Variants in SSBP2 observed in about 807,000 individuals in gnomAD.
The protein encoded by SSBP2 is single stranded DNA binding protein 2, also known as single-stranded DNA-binding protein 2.
Under a neutral mutation model 61.8 loss-of-function variants are expected in SSBP2, and 17 were observed. That is an observed-to-expected ratio of 0.28 (90% CI 0.19 to 0.41). SSBP2 has a LOEUF of 0.41. Among genes scored for constraint, SSBP2 ranks in the 10% least tolerant of loss-of-function variants. The pLI is 1.00. For synonymous variants in SSBP2, 139 were observed against 141.3 expected (o/e 0.98, Z 0.12); for missense variants, 310 against 458.7 (o/e 0.68, Z 2.96).
At chr5:81,667,433 T>C (rs761735330) in intron 1 of SSBP2, among the ~76,000 whole-genome samples, 5 of 152,014 alleles carry the variant, frequency 3.3e-5, no homozygotes, top group East Asian at 3.9e-4. Context: ...AAAGACCTCA[T>C]TGAACACCAA....
At chr5:81,745,303 T>C (rs753640968) in intron 1 of SSBP2, among the ~76,000 whole-genome samples, 2 of 152,132 alleles carry the variant, frequency 1.3e-5, no homozygotes, top group South Asian at 4.1e-4. Flanking sequence ...TTTAATCTAA[T>C]AGTCAAGTAA....
chr5:81,698,285 T>G (rs1306674333), intron 1 of SSBP2, among the ~76,000 whole-genome samples: 2 of 152,248 alleles, frequency 1.3e-5, no homozygotes, highest in Non-Finnish European at 2.9e-5. Context: ...ATGTAGATTG[T>G]GATGCTATGT....
At chr5:81,747,819 GA>G (rs1321373189) in intron 1 of SSBP2, among the ~76,000 whole-genome samples, 1 of 152,054 alleles carries the variant, frequency 6.6e-6, no homozygotes, top group East Asian at 1.9e-4. Flanking sequence ...TCACAATTGC[GA>G]TTAGTGTTAT....
intron 4 of SSBP2, among the ~76,000 whole-genome samples, chr5:81,560,913 T>C (rs948806233): frequency 1.3e-5 from 2 of 152,132 alleles, no homozygotes; most frequent in African/African-American, 4.8e-5. Flanking sequence ...TACAGAATTA[T>C]TAATTATAGT....
intron 4 of SSBP2, among the ~76,000 whole-genome samples, chr5:81,614,351 C>T (rs866199945): frequency 1.3e-3 from 154 of 119,588 alleles, no homozygotes; most frequent in African/African-American, 5.0e-3. Context: ...CACAGCGAGA[C>T]TCCGTCTCAA....
intron 4 of SSBP2, among the ~76,000 whole-genome samples, chr5:81,535,580 G>A (rs1268273925): frequency 6.6e-6 from 1 of 152,048 alleles, no homozygotes; most frequent in African/African-American, 2.4e-5. Flanking sequence ...TGGAACAGAA[G>A]AGAGAGGCCA....
intron 5 of SSBP2, among the ~76,000 whole-genome samples, chr5:81,510,025 T>C (rs1336717365): frequency 6.6e-6 from 1 of 152,186 alleles, no homozygotes; most frequent in Non-Finnish European, 1.5e-5. Context: ...GTTCTTCTTT[T>C]GTTCATCTTT....
intron 4 of SSBP2, among the ~76,000 whole-genome samples, chr5:81,588,792 A>T (rs1775271064): frequency 6.6e-6 from 1 of 152,190 alleles, no homozygotes; most frequent in Admixed American, 6.5e-5. Context: ...GGGCCCGTGC[A>T]GTGGTCCATA....
At chr5:81,420,568 A>C (rs1168148963) in intron 16 of SSBP2, 35 bp from the exon 17 acceptor site, 4 of 1,579,874 alleles carry the variant, frequency 2.5e-6, no homozygotes, top group Non-Finnish European at 3.5e-6. Context: ...TTTAACAACA[A>C]TTCTTTTAGA....
chr5:81,737,237 C>T (rs1756681742), intron 1 of SSBP2, among the ~76,000 whole-genome samples: 1 of 149,340 alleles, frequency 6.7e-6, no homozygotes, highest in Non-Finnish European at 1.5e-5. Context: ...CTCTTTACAA[C>T]ACAATAAAAC....
intron 6 of SSBP2, among the ~76,000 whole-genome samples, chr5:81,486,826 C>T (rs929828835): frequency 6.6e-6 from 1 of 152,170 alleles, no homozygotes; most frequent in Admixed American, 6.6e-5. Flanking sequence ...GCTCCAGCTG[C>T]TAATGTGAGA....
intron 1 of SSBP2, among the ~76,000 whole-genome samples, chr5:81,691,207 G>C (rs1753179367): frequency 6.6e-6 from 1 of 151,608 alleles, no homozygotes; most frequent in South Asian, 2.1e-4. Flanking sequence ...TAGAAGGAAA[G>C]AAATAATAAA....
intron 4 of SSBP2, among the ~76,000 whole-genome samples, chr5:81,567,368 A>G (rs973595173): frequency 1.3e-5 from 2 of 152,232 alleles, no homozygotes; most frequent in Non-Finnish European, 2.9e-5. Context: ...GCAAGCCCCA[A>G]GCCTTGGCAG....
At chr5:81,660,048 C>T (rs1187352543) in intron 1 of SSBP2, among the ~76,000 whole-genome samples, 7 of 152,144 alleles carry the variant, frequency 4.6e-5, no homozygotes, top group Admixed American at 4.6e-4. Flanking sequence ...AAATGTAACA[C>T]CTCAAACCAT....
intron 1 of SSBP2, among the ~76,000 whole-genome samples, chr5:81,705,461 A>C (rs976063126): frequency 1.3e-5 from 2 of 152,178 alleles, no homozygotes; most frequent in African/African-American, 4.8e-5. Flanking sequence ...TATTCTACAC[A>C]ATTTTCCAGA....
chr5:81,743,139 C>G (rs1757142060), intron 1 of SSBP2, among the ~76,000 whole-genome samples: 1 of 152,176 alleles, frequency 6.6e-6, no homozygotes. Context: ...ATCCTATTAT[C>G]TAGGAAGATC....
intron 1 of SSBP2, among the ~76,000 whole-genome samples, chr5:81,717,258 T>C (rs1755223151): frequency 6.6e-6 from 1 of 152,152 alleles, no homozygotes; most frequent in South Asian, 2.1e-4. Context: ...CCTTGCTTAC[T>C]ATAAAAGCAA....
intron 1 of SSBP2, among the ~76,000 whole-genome samples, chr5:81,743,892 C>G (rs150222589): frequency 2.8e-3 from 426 of 152,270 alleles, no homozygotes; most frequent in Non-Finnish European, 4.8e-3. Flanking sequence ...GATCCTGAAC[C>G]CTGATGTTCT....
At chr5:81,632,583 G>GTAGA (rs1295675605) in intron 3 of SSBP2, among the ~76,000 whole-genome samples, 1 of 152,064 alleles carries the variant, frequency 6.6e-6, no homozygotes, top group Non-Finnish European at 1.5e-5. Flanking sequence ...TGCCACAAGG[G>GTAGA]TAGAGATGGT....
Sources: gnomAD v4.1 joint callset for allele counts (sites outside exome capture counted in the v4.1 genomes callset) on GRCh38, gnomAD v4.1.1 for gene constraint, MANE v1.5 for transcripts, NCBI Gene and HGNC (gene_info 2026-07-23, HGNC 2026-07-21) for gene names.